The following DOCK8 variants were observed in gnomAD, a reference collection of about 807,000 sequenced individuals.
DOCK8 encodes dedicator of cytokinesis 8.
Under a neutral mutation model 245.6 loss-of-function variants are expected in DOCK8, and 141 were observed. The observed-to-expected ratio is 0.57, with a 90% CI of 0.50 to 0.66. DOCK8 has a LOEUF of 0.66. DOCK8 is among the 30% of genes least tolerant of loss of function. The pLI is 0.00. For synonymous variants in DOCK8, 1,168 were observed against 970.2 expected, an observed-to-expected ratio of 1.20 and a Z score of -3.79; for missense variants, 2,965 against 2,603.4, an observed-to-expected ratio of 1.14 and a Z score of -3.02.
intron 9 of DOCK8, among the ~76,000 whole-genome samples, chr9:331,179 C>A (rs1467849892): frequency 3.3e-5 from 5 of 152,198 alleles, no homozygotes. Flanking sequence ...GCCACCTTAT[C>A]TCCCAGCTGC....
chr9:349,825 C>A (rs34689632), intron 14 of DOCK8, among the ~76,000 whole-genome samples: 25,231 of 152,198 alleles, frequency 0.17, 2,281 homozygotes, highest in Non-Finnish European at 0.2. Context: ...TCAGAAGACA[C>A]ACTCAGAAAC....
intron 39 of DOCK8, among the ~76,000 whole-genome samples, chr9:437,534 T>C (rs978899874): frequency 1.3e-5 from 2 of 152,164 alleles, no homozygotes; most frequent in Non-Finnish European, 2.9e-5. Flanking sequence ...TTATGGGTGA[T>C]TTCTTCCCCT....
chr9:449,648 A>C lies in DOCK8; in HGVS notation c.5818-136A>C, dbSNP rs189939879. 2,899 of 1,066,704 alleles carry C rather than the reference A, an allele frequency of 2.7e-3. 66 individuals are homozygous for C. In the Admixed American group the frequency reaches 0.04, roughly 15 times the overall value. 66.1% of individuals were successfully genotyped at this position (1,066,704 alleles called of 1,614,324 possible). ...CCATCTTTCTTTTTAACCTGTTAAGAGTATTTTAAATTACTCTGAAAGTCT... is the reference window on the plus strand; with the variant it reads ...CCATCTTTCTTTTTAACCTGTTAAGCGTATTTTAAATTACTCTGAAAGTCT... On this transcript the variant is annotated intron_variant, in intron 44 of 47. Transcript: ENST00000432829.
At position 371,471 on chromosome 9, in the gene DOCK8, A is replaced by C; in HGVS notation, c.1912A>C (p.Lys638Gln). 6.2e-7 allele frequency: 1 copy of C among 1,614,242 alleles called. No homozygotes were observed. The highest frequency in any genetic ancestry group is 2.2e-5 in the East Asian group (1 of 44,890). The change falls in exon 17 of 48, where the codon AAG becomes CAG. Residue 638 changes from lysine (K) to glutamine (Q), a missense_variant. Coordinates refer to ENST00000432829, the MANE Select transcript of DOCK8 (RefSeq NM_203447.4). ...YEEVKIKLPA[K>Q]LTVNHHLLFT... ...AGAAGTGAAAATTAAGCTCCCCGCT[A>C]AGCTCACAGTAAATCACCACCTCCT...
Position 403,945 on chromosome 9 carries a change from T to C in DOCK8, c.3235-973T>C, listed in dbSNP as rs573038597. Among the ~76,000 whole-genome samples the C allele has an allele frequency of 1.0e-3, 86 of 85,246 alleles. 2 individuals carry two copies. The highest frequency in any genetic ancestry group is 5.7e-3 in the South Asian group (16 of 2,824). The allele number at this position is 85,246 out of a possible 152,430, so 55.9% of individuals were successfully genotyped here. A position where few individuals can be genotyped will look rare whatever the true frequency, so the allele number is the denominator to read the frequency against. ...ATATATATATGTGTATATATATATG[T>C]GTATATATATATATGTATATATATA... On this transcript the variant is annotated intron_variant, in intron 26 of 47. Transcript: ENST00000432829.
At chr9:388,793 A>AATCT (rs1273541273) in intron 23 of DOCK8, among the ~76,000 whole-genome samples, 2 of 133,560 alleles carry the variant, frequency 1.5e-5, no homozygotes, top group African/African-American at 6.3e-5. Flanking sequence ...GACCTCAAGT[A>AATCT]ATCTGCCTCC....
At chr9:247,982 T>TA (rs61282524) in intron 1 of DOCK8, among the ~76,000 whole-genome samples, 138,868 of 145,238 alleles carry the variant, frequency 0.96, 66,377 homozygotes, top group East Asian at 0.99. Context: ...TTCTCTAAGT[T>TA]AAAAAAAAAA....
intron 18 of DOCK8, 46 bp downstream of exon 18, chr9:372,332 C>A (rs996313453): frequency 2.1e-6 from 3 of 1,445,024 alleles, no homozygotes; most frequent in African/African-American, 2.8e-5. Context: ...CAGCTGTAGT[C>A]TTGGACCACC....
At chr9:349,168 A>C (rs909968179) in intron 14 of DOCK8, among the ~76,000 whole-genome samples, 1 of 152,238 alleles carries the variant, frequency 6.6e-6, no homozygotes, top group African/African-American at 2.4e-5. Context: ...AGCTGTGAGT[A>C]GTTGAAAGGA....
In DOCK8 at chr9:429,601, A is replaced by G; in HGVS notation, c.4474-101A>G. On this transcript the variant is annotated intron_variant, in intron 35 of 47. Coordinates refer to ENST00000432829, the MANE Select transcript of DOCK8 (RefSeq NM_203447.4). ...TATGGAATAATGCATTAACTCTTCT[A>G]GGCTTTTTGCTTGTCCAAATGGACA... is the stretch of plus-strand genomic sequence containing the variant. The G allele has an allele frequency of 2.8e-6, 4 of 1,415,958 alleles. No homozygotes were observed. In the Admixed American group the frequency reaches 5.1e-5, roughly 18 times the overall value. 87.7% of individuals were successfully genotyped at this position (1,415,958 alleles called of 1,614,324 possible).
chr9:261,600 C>A (rs1301659296), intron 1 of DOCK8, among the ~76,000 whole-genome samples: 1 of 152,038 alleles, frequency 6.6e-6, no homozygotes, highest in Non-Finnish European at 1.5e-5. Context: ...ATAGTGTTTT[C>A]TGTATATGTC....
chr9:373,308 C>T (rs1447903719), intron 18 of DOCK8, among the ~76,000 whole-genome samples: 4 of 152,196 alleles, frequency 2.6e-5, no homozygotes, highest in Non-Finnish European at 5.9e-5. Flanking sequence ...AAATCTCGGA[C>T]ATCATATTTC....
chr9:350,628 A>C (rs1368839495), intron 14 of DOCK8, among the ~76,000 whole-genome samples: 1 of 152,208 alleles, frequency 6.6e-6, no homozygotes, highest in African/African-American at 2.4e-5. Flanking sequence ...GAAGGAATTG[A>C]TTGATGGCTG....
chr9:435,802 T>C (rs544568515), intron 39 of DOCK8, among the ~76,000 whole-genome samples: 13 of 152,238 alleles, frequency 8.5e-5, no homozygotes, highest in Admixed American at 8.5e-4. Context: ...TAATAGTCTT[T>C]AGAGAGAGAG....
chr9:252,288 C>T (rs35446872), intron 1 of DOCK8, among the ~76,000 whole-genome samples: 16,122 of 151,568 alleles, frequency 0.11, 1,014 homozygotes, highest in African/African-American at 0.18. Flanking sequence ...GGAATTCTTA[C>T]AGCCTGACAG....
intron 46 of DOCK8, among the ~76,000 whole-genome samples, chr9:453,978 C>T (rs1298841333): frequency 6.6e-6 from 1 of 152,172 alleles, no homozygotes; most frequent in Non-Finnish European, 1.5e-5. Flanking sequence ...TGGCTTGTTC[C>T]TCTGTTCTTA....
At chr9:411,684 A>G (rs890676981) in intron 28 of DOCK8, among the ~76,000 whole-genome samples, 1 of 152,128 alleles carries the variant, frequency 6.6e-6, no homozygotes, top group Non-Finnish European at 1.5e-5. Context: ...TAGATGTAAG[A>G]CCCTCAACAA....
Position 396,734 on chromosome 9 carries a change from C to G in DOCK8, c.2971-51C>G, listed in dbSNP as rs375143968. On this transcript the variant is annotated intron_variant, in intron 24 of 47. Transcript: ENST00000432829. ...GTCTTTCCCCCTTTTCTGCATTGTA[C>G]AAGCAGGTCACCAATCTCCATGTTG... 2.5e-6 allele frequency: 4 copies of G among 1,610,816 alleles called. No individual in the cohort carries two copies. The African/African-American group carries it at 4.0e-5, about 16-fold the overall frequency.
intron 1 of DOCK8, among the ~76,000 whole-genome samples, chr9:260,360 A>G (rs1321937984): frequency 6.6e-6 from 1 of 152,238 alleles, no homozygotes; most frequent in Non-Finnish European, 1.5e-5. Flanking sequence ...GAGCCCCTCA[A>G]TGCAAATGTT....
Sources: allele counts gnomAD v4.1 joint callset (sites outside exome capture counted in the v4.1 genomes callset), GRCh38; gene constraint gnomAD v4.1.1; transcripts MANE v1.5; gene names NCBI Gene and HGNC (gene_info 2026-07-23, HGNC 2026-07-21).